Variants in ZBTB20 observed in about 807,000 individuals in gnomAD.
ZBTB20 encodes zinc finger and BTB domain-containing protein 20.
ZBTB20 carries 9 observed loss-of-function variants against 56.9 expected under a neutral mutation model. The observed-to-expected ratio is 0.16, with a 90% CI of 0.10 to 0.28. The LOEUF (loss-of-function observed/expected upper bound fraction) is 0.28, where lower values mean the gene tolerates loss of function less well. Ranked by LOEUF, ZBTB20 falls within the 10% of genes least tolerant of loss-of-function variation. ZBTB20 has a pLI of 1.00. For missense variants in ZBTB20, 655 were observed against 1,003.0 expected, an observed-to-expected ratio of 0.65 and a Z score of 4.69; for synonymous variants, 417 against 420.7, an observed-to-expected ratio of 0.99 and a Z score of 0.11.
chr3:114,395,101 T>C lies in ZBTB20; in HGVS notation c.-254-5996A>G, dbSNP rs553376046. Reference sequence around the variant, plus strand: ...GAAGATAAAGCTGTCTCAAAGATCATAGTAAATTTAAAATTGTTCCACTTC... The same window carrying C: ...GAAGATAAAGCTGTCTCAAAGATCACAGTAAATTTAAAATTGTTCCACTTC... On this transcript the variant is annotated intron_variant, in intron 7 of 11. Coordinates refer to ENST00000675478, the MANE Select transcript of ZBTB20 (RefSeq NM_001348800.3). Among the ~76,000 whole-genome samples, 247 of 152,294 alleles carry C rather than the reference T, an allele frequency of 1.6e-3. 2 individuals are homozygous for C. The highest frequency in any genetic ancestry group is 5.0e-3 in the South Asian group (24 of 4,822).
chr3:114,368,681 G>A (rs2082679782), intron 10 of ZBTB20, among the ~76,000 whole-genome samples: 1 of 152,238 alleles, frequency 6.6e-6, no homozygotes, highest in Non-Finnish European at 1.5e-5. Flanking sequence ...GGTACCAGTA[G>A]AGTCCAAGGC....
intron 7 of ZBTB20, among the ~76,000 whole-genome samples, chr3:114,443,047 C>T (rs1380142680): frequency 6.6e-6 from 1 of 152,014 alleles, no homozygotes; most frequent in Non-Finnish European, 1.5e-5. Context: ...GACCAGATTA[C>T]ACACTAAAGG....
At chr3:114,990,499 G>T (rs1303312674) in intron 2 of ZBTB20, among the ~76,000 whole-genome samples, 1 of 152,148 alleles carries the variant, frequency 6.6e-6, no homozygotes, top group African/African-American at 2.4e-5. Flanking sequence ...GCTGGATTCG[G>T]TTTGCCAGTA....
At chr3:114,506,833 A>G (rs935692363) in intron 6 of ZBTB20, among the ~76,000 whole-genome samples, 4 of 152,050 alleles carry the variant, frequency 2.6e-5, no homozygotes, top group African/African-American at 9.7e-5. Context: ...AAATTTTCCC[A>G]CTGCTGCTTC....
chr3:115,017,448 C>T (rs993318488), intron 2 of ZBTB20, among the ~76,000 whole-genome samples: 1 of 151,542 alleles, frequency 6.6e-6, no homozygotes, highest in Non-Finnish European at 1.5e-5. Flanking sequence ...CAAAAATGAC[C>T]ATAGTGCCCA....
intron 7 of ZBTB20, among the ~76,000 whole-genome samples, chr3:114,492,155 T>C (rs1449272799): frequency 6.6e-6 from 1 of 152,164 alleles, no homozygotes; most frequent in Admixed American, 6.6e-5. Context: ...AAGTCTCAGT[T>C]TAGGTCTTCT....
At chr3:115,044,285 C>T (rs567547739) in intron 2 of ZBTB20, among the ~76,000 whole-genome samples, 2 of 152,312 alleles carry the variant, frequency 1.3e-5, no homozygotes, top group East Asian at 1.9e-4. Flanking sequence ...CGTAGGTTCA[C>T]CCTCTTTTAT....
chr3:114,595,848 A>G (rs1384133237), intron 6 of ZBTB20, among the ~76,000 whole-genome samples: 2 of 152,218 alleles, frequency 1.3e-5, no homozygotes, highest in African/African-American at 4.8e-5. Context: ...ACAGCAGTCC[A>G]ATAACAAACA....
At chr3:114,340,367 C>T (rs772759371) in intron 11 of ZBTB20, among the ~76,000 whole-genome samples, 4 of 151,808 alleles carry the variant, frequency 2.6e-5, no homozygotes, top group African/African-American at 4.8e-5. Context: ...CCTCCCACCC[C>T]CATTAAATGC....
At chr3:114,758,963 T>C (rs2068230251) in intron 5 of ZBTB20, 1 of 152,182 alleles carries the variant, frequency 6.6e-6, no homozygotes, top group African/African-American at 2.4e-5. Flanking sequence ...TGCATTTTTC[T>C]GTGTTTCTTT....
intron 5 of ZBTB20, among the ~76,000 whole-genome samples, chr3:114,736,262 A>T (rs1196376198): frequency 2.6e-5 from 4 of 152,220 alleles, no homozygotes; most frequent in African/African-American, 9.6e-5. Flanking sequence ...ATGATGAATG[A>T]ATGTTGCTTA....
intron 2 of ZBTB20, among the ~76,000 whole-genome samples, chr3:115,069,041 G>A (rs1433833988): frequency 6.6e-6 from 1 of 152,062 alleles, no homozygotes; most frequent in African/African-American, 2.4e-5. Flanking sequence ...CACATGCTTA[G>A]GGAGGAAAAC....
chr3:114,612,765 G>A (rs1333559970), intron 6 of ZBTB20, among the ~76,000 whole-genome samples: 1 of 152,114 alleles, frequency 6.6e-6, no homozygotes, highest in Non-Finnish European at 1.5e-5. Flanking sequence ...CTGAGACCAA[G>A]TTCAGGGTAT....
chr3:114,730,117 A>C (rs1190376975), intron 5 of ZBTB20, among the ~76,000 whole-genome samples: 1 of 151,940 alleles, frequency 6.6e-6, no homozygotes, highest in Non-Finnish European at 1.5e-5. Flanking sequence ...TTATTTTTAT[A>C]ATGACAGAAT....
chr3:114,362,482 A>C (rs1040134185), intron 10 of ZBTB20, among the ~76,000 whole-genome samples: 8 of 152,218 alleles, frequency 5.3e-5, no homozygotes, highest in African/African-American at 1.9e-4. Flanking sequence ...AGATATGTCT[A>C]TGTGATATGG....
chr3:114,409,204 C>A (rs1169447433), intron 7 of ZBTB20, among the ~76,000 whole-genome samples: 2 of 123,326 alleles, frequency 1.6e-5, no homozygotes, highest in East Asian at 5.5e-4. Flanking sequence ...AAACTCCGTT[C>A]TGAAGATACC....
At chr3:114,915,598 C>A (rs879552157) in intron 3 of ZBTB20, among the ~76,000 whole-genome samples, 4 of 151,754 alleles carry the variant, frequency 2.6e-5, no homozygotes, top group Admixed American at 6.6e-5. Flanking sequence ...CTGCACTGAT[C>A]TTTATTATTT....
At position 114,664,494 on chromosome 3, in the gene ZBTB20, G is replaced by T. The variant is rs192442045; in HGVS notation, c.-295+29034C>A. The stretch of plus-strand genomic sequence containing the variant: ...ATTACAATAAAACTAACCAAAGGAT[G>T]GCGGCAGAAAGAAATAAAAGTATTT... On this transcript the variant is annotated intron_variant, in intron 6 of 11. Coordinates refer to ENST00000675478, the MANE Select transcript of ZBTB20 (RefSeq NM_001348800.3). 1.3e-3 allele frequency among the ~76,000 whole-genome samples: 194 copies of T among 152,146 alleles called. 3 individuals are homozygous for T. Among genetic ancestry groups the T allele is most frequent in the African/African-American group, 4.5e-3 (186 of 41,524 alleles).
intron 2 of ZBTB20, among the ~76,000 whole-genome samples, chr3:115,051,560 G>A (rs1237864966): frequency 2.0e-5 from 3 of 152,128 alleles, no homozygotes; most frequent in Admixed American, 6.5e-5. Flanking sequence ...TGTTGGGACA[G>A]GAATTAACGT....
Sources: gnomAD v4.1 joint callset for allele counts (sites outside exome capture counted in the v4.1 genomes callset) on GRCh38, gnomAD v4.1.1 for gene constraint, MANE v1.5 for transcripts, NCBI Gene and HGNC (gene_info 2026-07-23, HGNC 2026-07-21) for gene names.